Variants in RET observed in about 807,000 individuals in gnomAD.
RET encodes the protein ret proto-oncogene.
In RET, 19 loss-of-function variants were observed where a neutral mutation model predicts 118.3. The observed-to-expected ratio is 0.16, with a 90% CI of 0.11 to 0.24. The LOEUF is 0.24. Among genes scored for constraint, RET ranks in the 10% least tolerant of loss-of-function variants. The pLI is 1.00. For missense variants in RET, 1,219 were observed against 1,502.1 expected (o/e 0.81, Z 3.12); for synonymous variants, 597 against 644.1 (o/e 0.93, Z 1.11).
chr10:43,119,766 A>G (rs1161324653), intron 14 of RET, 21 bp downstream of exon 14: 1 of 1,609,926 alleles, frequency 6.2e-7, no homozygotes. Flanking sequence ...ATGGCTCTGC[A>G]CCCAGCCAGC....
chr10:43,102,729 A>G (rs2132685758), intron 3 of RET, 100 bp downstream of exon 3: 6 of 1,421,076 alleles, frequency 4.2e-6, no homozygotes, highest in East Asian at 4.7e-5. Flanking sequence ...CTTCACCTTC[A>G]TGCCATCAGT....
intron 1 of RET, among the ~76,000 whole-genome samples, chr10:43,078,343 C>T (rs1005656697): frequency 6.6e-6 from 1 of 152,234 alleles, no homozygotes; most frequent in African/African-American, 2.4e-5. Flanking sequence ...TCCCCACAGC[C>T]TTTGGGAACA....
chr10:43,105,527 C>G (rs576840658), intron 4 of RET, among the ~76,000 whole-genome samples: 177 of 152,258 alleles, frequency 1.2e-3, no homozygotes, highest in Middle Eastern at 6.8e-3. Context: ...CAGCAGTTAG[C>G]CCCCAACGGG....
At position 43,128,300 on chromosome 10, in the gene RET, A is replaced by G; in HGVS notation, c.*31A>G. 2 of 1,612,886 alleles carry G rather than the reference A, an allele frequency of 1.2e-6. No individual in the cohort carries two copies. Among genetic ancestry groups the G allele is most frequent in the Non-Finnish European group, 1.7e-6 (2 of 1,178,830 alleles). ...CTTTGTGAAAGGTAATGGACTCACA[A>G]GGGGAAGAAACATGCTGAGAATGGA... On this transcript the variant is annotated 3_prime_UTR_variant, in exon 20 of 20. Coordinates refer to ENST00000355710, the MANE Select transcript of RET (RefSeq NM_020975.6).
chr10:43,112,763 T>C, intron 8 of RET, 90 bp from the exon 9 acceptor site: 1 of 1,023,640 alleles, frequency 9.8e-7, no homozygotes, highest in South Asian at 1.3e-5. Flanking sequence ...CAGTTGCTCC[T>C]CCCTAGAGGG....
Position 43,077,073 on chromosome 10 carries a change from C to G in RET, c.-186C>G, listed in dbSNP as rs1213591602. 1.1e-6 allele frequency: 1 copy of G among 927,870 alleles called. No individual in the cohort carries two copies. The allele number at this position is 927,870 out of a possible 1,614,324, so 57.5% of individuals were successfully genotyped here. ...AGCCGGCGCTTACCTCGCTTCAGTC[C>G]CGCGACCGAAGCAGGGCGCGCAGCA... On this transcript the variant is annotated 5_prime_UTR_variant, in exon 1 of 20. Coordinates refer to ENST00000355710, the MANE Select transcript of RET (RefSeq NM_020975.6).
chr10:43,129,799 G>C lies in RET; in HGVS notation c.*1530G>C. The C allele has an allele frequency of 2.5e-6, 1 of 393,026 alleles. No individual in the cohort carries two copies. The highest frequency in any genetic ancestry group is 4.5e-6 in the Non-Finnish European group (1 of 223,228). The allele number at this position is 393,026 out of a possible 1,614,324, so 24.3% of individuals were successfully genotyped here. On this transcript the variant is annotated 3_prime_UTR_variant, in exon 20 of 20. Coordinates refer to ENST00000355710, the MANE Select transcript of RET (RefSeq NM_020975.6). Reference sequence around the variant, plus strand: ...TGTGGTGTGTGCGCACACACCCAGAGGGAGAGTTTGAAAAATGCTTATTGG... The same window carrying C: ...TGTGGTGTGTGCGCACACACCCAGACGGAGAGTTTGAAAAATGCTTATTGG...
At position 43,114,428 on chromosome 10, in the gene RET, A is replaced by G. The variant is rs1041091768; in HGVS notation, c.1880-52A>G. On this transcript the variant is annotated intron_variant, in intron 10 of 19. Transcript: ENST00000355710. This position sits in a 1 kb window ranked among gnomAD's most constrained non-coding sequence, Gnocchi z 4.6. ...GGCAGAGCATACGCAGCCTGTACCC[A>G]GTGGTGCCGAGCCTCTGGCGGTGCC... 2 of 1,600,226 alleles carry G rather than the reference A, an allele frequency of 1.2e-6. No homozygotes were observed. Among genetic ancestry groups the G allele is most frequent in the African/African-American group, 1.3e-5 (1 of 74,894 alleles).
rs1013952995 is a variant in RET at position 43,105,076 on chromosome 10, C to T, written c.750C>T (p.Arg250=). The T allele has an allele frequency of 1.9e-6, 3 of 1,610,792 alleles. No individual in the cohort carries two copies. In the African/African-American group the frequency reaches 4.0e-5, roughly 22 times the overall value. ...TGTGCACCGTGCACGCCGGCGCGCG[C>T]GAGGAGGTGGTGATGGTGCCCTTCC... is the stretch of plus-strand genomic sequence containing the variant. ...VAVCTVHAGA[R]EEVVMVPFPV... Residue 250 remains arginine (R), a synonymous_variant, in exon 4 of 20, where the codon CGC becomes CGT. Coordinates refer to ENST00000355710, the MANE Select transcript of RET (RefSeq NM_020975.6).
rs763090893 is a variant in RET at position 43,095,878 on chromosome 10, G to A, written c.74-4581G>A. Among the ~76,000 whole-genome samples, 3 of 152,340 alleles carry A rather than the reference G, an allele frequency of 2.0e-5. No homozygotes were observed. The East Asian group carries it at 5.8e-4, about 29-fold the overall frequency. Reference sequence around the variant, plus strand: ...ACCTTCCCCCACCCCATCCTGCATGGTGCCTGGGCACAGCCAGCCTGAGGA... The same window carrying A: ...ACCTTCCCCCACCCCATCCTGCATGATGCCTGGGCACAGCCAGCCTGAGGA... On this transcript the variant is annotated intron_variant, in intron 1 of 19. Transcript: ENST00000355710.
rs770639985 is a variant in RET, at chr10:43,123,718, A to T, written c.2849A>T (p.Asn950Ile). 6.2e-7 allele frequency: 1 copy of T among 1,613,874 alleles called. No homozygotes were observed. The highest frequency in any genetic ancestry group is 8.5e-7 in the Non-Finnish European group (1 of 1,179,966). ...TGGGAGATCGTGACCCTAGGGGGAA[A>T]CCCCTATCCTGGGATTCCTCCTGAG... ...LLWEIVTLGG[N>I]PYPGIPPERL... Residue 950 changes from asparagine (N) to isoleucine (I), a missense_variant, in exon 17 of 20, where the codon AAC becomes ATC. Transcript: ENST00000355710.
intron 1 of RET, among the ~76,000 whole-genome samples, chr10:43,099,513 A>AAAAT (rs751291577): frequency 0.19 from 28,286 of 146,194 alleles, 2,901 homozygotes; most frequent in East Asian, 0.26. Flanking sequence ...CTCCATCTCA[A>AAAAT]AAATAAATAA....
At chr10:43,112,653 G>A (rs1315349827) in intron 8 of RET, among the ~76,000 whole-genome samples, 200 bp from the exon 9 acceptor site, 2 of 152,220 alleles carry the variant, frequency 1.3e-5, no homozygotes, top group East Asian at 3.9e-4. Context: ...AGGGCCACCT[G>A]TGTGAGGAAC....
chr10:43,121,220 A>C (rs528341977), intron 15 of RET, among the ~76,000 whole-genome samples: 1 of 152,238 alleles, frequency 6.6e-6, no homozygotes, highest in Non-Finnish European at 1.5e-5. Context: ...ACTGTCACAC[A>C]CTGCTGCCAA....
chr10:43,089,832 C>T (rs1837374620), intron 1 of RET, among the ~76,000 whole-genome samples: 2 of 152,252 alleles, frequency 1.3e-5, no homozygotes, highest in Non-Finnish European at 2.9e-5. Flanking sequence ...CACTGTCTGT[C>T]AGCCTCATAC....
chr10:43,078,825 TG>T (rs1355612316), intron 1 of RET, among the ~76,000 whole-genome samples: 2 of 152,204 alleles, frequency 1.3e-5, no homozygotes, highest in Non-Finnish European at 2.9e-5. Flanking sequence ...CCCAGACCCC[TG>T]GCCCACAGAC....
chr10:43,103,436 C>T (rs931883861), intron 3 of RET, among the ~76,000 whole-genome samples: 2 of 152,106 alleles, frequency 1.3e-5, no homozygotes, highest in Admixed American at 6.6e-5. Flanking sequence ...CAGGCAGCTG[C>T]AGCCAGTCAG....
chr10:43,110,169 T>TG (rs77347862), intron 6 of RET, among the ~76,000 whole-genome samples: 12,373 of 152,022 alleles, frequency 0.081, 584 homozygotes, highest in South Asian at 0.18. Context: ...GGGGGTCTCA[T>TG]GGGGGGCGGG....
At chr10:43,078,944 G>T (rs1268804256) in intron 1 of RET, among the ~76,000 whole-genome samples, 1 of 152,212 alleles carries the variant, frequency 6.6e-6, no homozygotes. Context: ...GGAGTAGACA[G>T]CTGGGGCCTT....
Sources: gnomAD v4.1 joint callset for allele counts (sites outside exome capture counted in the v4.1 genomes callset) on GRCh38, gnomAD v4.1.1 for gene constraint, Gnocchi (gnomAD v3.1) non-coding constraint, MANE v1.5 for transcripts, NCBI Gene and HGNC (gene_info 2026-07-23, HGNC 2026-07-21) for gene names.